The following TMEM204 variants were observed in gnomAD, a reference collection of about 807,000 sequenced individuals.
TMEM204 encodes the protein transmembrane protein 204, also known as claudin-like protein 24.
A neutral mutation model predicts 19.4 loss-of-function variants in TMEM204; 15 were observed. The ratio of observed to expected loss-of-function variants is 0.77; its 90% CI spans 0.52 to 1.19. The LOEUF (loss-of-function observed/expected upper bound fraction) is 1.19. Ranked by LOEUF, TMEM204 falls within the 50% of genes most tolerant of loss-of-function variation. TMEM204 has a pLI of 0.00. For synonymous variants in TMEM204, 161 were observed against 146.0 expected, an observed-to-expected ratio of 1.10 and a Z score of -0.74; for missense variants, 287 against 321.2, an observed-to-expected ratio of 0.89 and a Z score of 0.81.
chr16:1,546,769 G>A (rs1454721909), intron 2 of TMEM204, among the ~76,000 whole-genome samples: 9 of 152,192 alleles, frequency 5.9e-5, no homozygotes, highest in Non-Finnish European at 2.9e-5. Flanking sequence ...TCCTGAGCCC[G>A]GCCTGAAGAG....
upstream of TMEM204, among the ~76,000 whole-genome samples, chr16:1,529,729 T>TA (rs1389292171): frequency 2.6e-5 from 4 of 152,104 alleles, no homozygotes. Flanking sequence ...AGGTCCTGGG[T>TA]AAAAATCCAC....
At chr16:1,530,702 G>T (rs981393747), upstream of TMEM204, 12 of 151,490 alleles carry the variant, frequency 7.9e-5, no homozygotes, top group Admixed American at 7.9e-4. Flanking sequence ...CCACCCGTGG[G>T]GAGCGGGAGA....
chr16:1,534,871 C>T (rs1165766904), intron 1 of TMEM204, among the ~76,000 whole-genome samples: 1 of 152,170 alleles, frequency 6.6e-6, no homozygotes, highest in African/African-American at 2.4e-5. Flanking sequence ...GAGATGGGTA[C>T]ATTAATCAAA....
intron 1 of TMEM204, among the ~76,000 whole-genome samples, chr16:1,535,754 C>T (rs1312173225): frequency 6.6e-6 from 1 of 152,252 alleles, no homozygotes; most frequent in Non-Finnish European, 1.5e-5. Context: ...CTCAAAGGCC[C>T]TCGGCTGCAC....
At chr16:1,538,990 G>A (rs2031348989) in intron 1 of TMEM204, among the ~76,000 whole-genome samples, 1 of 152,174 alleles carries the variant, frequency 6.6e-6, no homozygotes, top group South Asian at 2.1e-4. Flanking sequence ...GCCTCACCAA[G>A]CTGCACGGTG....
rs572455985 is a variant in TMEM204 at position 1,555,262 on chromosome 16, C to T, written c.*236C>T. 1.9e-5 allele frequency: 10 copies of T among 537,436 alleles called. No individual in the cohort carries two copies. The East Asian group carries it at 2.0e-4, about 11-fold the overall frequency. The allele number at this position is 537,436 out of a possible 1,614,324, so 33.3% of individuals were successfully genotyped here. ...TCCAGCTTTCCTGGTTAGCGCAACG[C>T]GGCTCCACGACCACACGCACTTCAG... On this transcript the variant is annotated 3_prime_UTR_variant, in exon 3 of 3. Coordinates refer to ENST00000566264, the MANE Select transcript of TMEM204 (RefSeq NM_024600.6).
At chr16:1,543,812 C>T (rs2031889598) in intron 2 of TMEM204, among the ~76,000 whole-genome samples, 1 of 152,188 alleles carries the variant, frequency 6.6e-6, no homozygotes, top group East Asian at 1.9e-4. Context: ...AAGTGGTTTT[C>T]CTGTCTCACT....
At chr16:1,550,925 C>A (rs571759796) in intron 2 of TMEM204, among the ~76,000 whole-genome samples, 1 of 152,194 alleles carries the variant, frequency 6.6e-6, no homozygotes, top group African/African-American at 2.4e-5. Context: ...TACAGGGCCA[C>A]GTAGCCGATG....
At chr16:1,544,971 A>C (rs1431049451) in intron 2 of TMEM204, among the ~76,000 whole-genome samples, 7 of 152,188 alleles carry the variant, frequency 4.6e-5, no homozygotes, top group African/African-American at 2.4e-5. Context: ...TTCTTAATAA[A>C]TCTCCTTGAA....
intron 1 of TMEM204, among the ~76,000 whole-genome samples, chr16:1,538,514 C>G (rs576989446): frequency 1.9e-4 from 29 of 152,290 alleles, no homozygotes; most frequent in Admixed American, 7.2e-4. Flanking sequence ...CCCTCCTCCC[C>G]CTTCATTCTG....
At chr16:1,544,578 C>T (rs1051571925) in intron 2 of TMEM204, among the ~76,000 whole-genome samples, 1 of 151,992 alleles carries the variant, frequency 6.6e-6, no homozygotes, top group Non-Finnish European at 1.5e-5. Flanking sequence ...GATCCACCCA[C>T]CTCAGCCTCC....
rs368402755 is a variant in TMEM204, at chr16:1,554,779, C to T, written c.437-3C>T. On this transcript the variant is annotated splice_polypyrimidine_tract_variant and splice_region_variant and intron_variant, in intron 2 of 2. Transcript: ENST00000566264. ...GGCCTCTCAACCCTTCTCTCATCTG[C>T]AGGTTTTGTCCTGGTCATCGGGCTC... is the stretch of plus-strand genomic sequence containing the variant. 7.6e-5 allele frequency: 123 copies of T among 1,613,818 alleles called. No homozygotes were observed. Among genetic ancestry groups the T allele is most frequent in the Non-Finnish European group, 1.0e-4 (120 of 1,179,840 alleles).
In TMEM204 at chr16:1,541,225, T is replaced by C. The variant is rs975011031; in HGVS notation, c.281-696T>C. The C allele has an allele frequency of 5.1e-6, 5 of 985,272 alleles. No homozygotes were observed. The Admixed American group carries it at 3.1e-4, about 61-fold the overall frequency. 61.0% of individuals were successfully genotyped at this position (985,272 alleles called of 1,614,324 possible). A position where few individuals can be genotyped will look rare whatever the true frequency, so the allele number is the denominator to read the frequency against. On this transcript the variant is annotated intron_variant, in intron 1 of 2. Coordinates refer to ENST00000566264, the MANE Select transcript of TMEM204 (RefSeq NM_024600.6). Reference sequence around the variant, plus strand: ...TGTGAGTGGGGAAGCAGGCCCTGACTTAAGCCACTGAGTGAAAGATTTGTG... The same window carrying C: ...TGTGAGTGGGGAAGCAGGCCCTGACCTAAGCCACTGAGTGAAAGATTTGTG...
rs956715706 is a variant in TMEM204 at position 1,553,555 on chromosome 16, A to G, written c.437-1227A>G. The G allele has an allele frequency of 1.0e-6, 1 of 1,002,262 alleles. No homozygotes were observed. Among genetic ancestry groups the G allele is most frequent in the South Asian group, 4.3e-5 (1 of 23,154 alleles). 62.1% of individuals were successfully genotyped at this position (1,002,262 alleles called of 1,614,324 possible). A position where few individuals can be genotyped will look rare whatever the true frequency, so the allele number is the denominator to read the frequency against. On this transcript the variant is annotated intron_variant, in intron 2 of 2. Coordinates refer to ENST00000566264, the MANE Select transcript of TMEM204 (RefSeq NM_024600.6). The surrounding 1 kb of genome is among the most constrained non-coding windows in gnomAD (Gnocchi z 4.4). Reference sequence around the variant, plus strand: ...GTCCTCTATGGACAAGAGGGGCTGGAGAGTTTAATCTGGACCAGTGTAAGT... The same window carrying G: ...GTCCTCTATGGACAAGAGGGGCTGGGGAGTTTAATCTGGACCAGTGTAAGT...
Position 1,533,962 on chromosome 16 carries a change from G to T in TMEM204, c.-314G>T. 1 of 421,524 alleles carries T rather than the reference G, an allele frequency of 2.4e-6. No individual in the cohort carries two copies. The highest frequency in any genetic ancestry group is 4.2e-6 in the Non-Finnish European group (1 of 236,524). 26.1% of individuals were successfully genotyped at this position (421,524 alleles called of 1,614,324 possible). On this transcript the variant is annotated 5_prime_UTR_variant, in exon 1 of 3. Coordinates refer to ENST00000566264, the MANE Select transcript of TMEM204 (RefSeq NM_024600.6). This position sits in a 1 kb window ranked among gnomAD's most constrained non-coding sequence, Gnocchi z 4.7. ...AGAAGAGGCACGCGCGGCACAGGCC[G>T]GCCTCCGCTTCCCGGGAAGACGGCG...
chr16:1,540,712 G>C, intron 1 of TMEM204: 1 of 516,984 alleles, frequency 1.9e-6, no homozygotes, highest in Admixed American at 6.4e-5. Context: ...TTCCCTCTTA[G>C]ATTCCTGCAT....
At chr16:1,542,265 A>T (rs2076445) in intron 2 of TMEM204, among the ~76,000 whole-genome samples, 189 bp downstream of exon 2, 65,965 of 152,142 alleles carry the variant, frequency 0.43, 15,720 homozygotes, top group African/African-American at 0.63. Flanking sequence ...GAATGATGAA[A>T]GACAGAAACA....
chr16:1,541,047 G>A (rs1327700156), intron 1 of TMEM204: 2 of 985,296 alleles, frequency 2.0e-6, no homozygotes, highest in African/African-American at 3.5e-5. Flanking sequence ...AACGTGACGA[G>A]CCCTGGTCCC....
chr16:1,529,330 C>T (rs114478246), upstream of TMEM204, among the ~76,000 whole-genome samples: 329 of 152,326 alleles, frequency 2.2e-3, 2 homozygotes, highest in African/African-American at 7.4e-3. Context: ...TCTGGGGGGC[C>T]GGGAAGTGAG....
Sources: gnomAD v4.1 joint callset for allele counts (sites outside exome capture counted in the v4.1 genomes callset) on GRCh38, gnomAD v4.1.1 for gene constraint, Gnocchi (gnomAD v3.1) non-coding constraint, MANE v1.5 for transcripts, NCBI Gene and HGNC (gene_info 2026-07-23, HGNC 2026-07-21) for gene names.